ZMIZ1: variants seen among roughly 807,000 people sequenced by gnomAD.
The protein encoded by ZMIZ1 is zinc finger MIZ domain-containing protein 1.
Under a neutral mutation model 113.9 loss-of-function variants are expected in ZMIZ1, and 17 were observed. The ratio of observed to expected loss-of-function variants is 0.15; its 90% confidence interval spans 0.10 to 0.22. ZMIZ1 has a LOEUF of 0.22. ZMIZ1 is among the 10% of genes least tolerant of loss of function. ZMIZ1 has a pLI of 1.00. For synonymous variants in ZMIZ1, 607 were observed against 603.1 expected (o/e 1.01, Z -0.09); for missense variants, 1,059 against 1,477.8 (o/e 0.72, Z 4.65).
rs574307495 is a variant in ZMIZ1, at chr10:79,315,599, C to T, written c.*2850C>T. On this transcript the variant is annotated 3_prime_UTR_variant, in exon 25 of 25. Transcript: ENST00000334512. ...CATCTTCTTGGTTTGAAGCTTTATC[C>T]ATGTATCATGTTCCGTGTAGCCATT... 1 of 152,900 alleles carries T rather than the reference C, an allele frequency of 6.5e-6. No individual in the cohort carries two copies. Among genetic ancestry groups the T allele is most frequent in the African/African-American group, 2.4e-5 (1 of 41,570 alleles). The allele number at this position is 152,900 out of a possible 1,614,324, so 9.5% of individuals were successfully genotyped here. A position where few individuals can be genotyped will look rare whatever the true frequency, so the allele number is the denominator to read the frequency against.
intron 4 of ZMIZ1, among the ~76,000 whole-genome samples, chr10:79,185,955 C>G (rs1255362613): frequency 6.6e-6 from 1 of 152,018 alleles, no homozygotes. Flanking sequence ...TAAGGAGTAG[C>G]GAGGAGTCCC....
intron 7 of ZMIZ1, among the ~76,000 whole-genome samples, chr10:79,231,311 G>A (rs1440476276): frequency 2.0e-5 from 3 of 152,208 alleles, no homozygotes; most frequent in Admixed American, 6.5e-5. Context: ...GCAATGGCGC[G>A]ATCTCAGCTC....
intron 4 of ZMIZ1, among the ~76,000 whole-genome samples, chr10:79,186,523 C>T (rs1847358645): frequency 6.6e-6 from 1 of 152,186 alleles, no homozygotes; most frequent in Non-Finnish European, 1.5e-5. Flanking sequence ...CCTGTCAGAT[C>T]TTGCTATTAG....
intron 7 of ZMIZ1, among the ~76,000 whole-genome samples, chr10:79,217,629 G>T (rs1356081607): frequency 6.6e-6 from 1 of 152,196 alleles, no homozygotes; most frequent in Non-Finnish European, 1.5e-5. Context: ...TGAAAACGTT[G>T]TAAGGACATC....
chr10:79,145,341 G>GAATGCCCGCGCAAC (rs1554856897), intron 3 of ZMIZ1, among the ~76,000 whole-genome samples: 1 of 10,552 alleles, frequency 9.5e-5, no homozygotes, highest in Non-Finnish European at 2.4e-4. Context: ...CTGCATTCCG[G>GAATGCCCGCGCAAC]AGTGCCTGCG....
intron 1 of ZMIZ1, among the ~76,000 whole-genome samples, chr10:79,098,212 G>C (rs1843238726): frequency 6.6e-6 from 1 of 152,234 alleles, no homozygotes; most frequent in Non-Finnish European, 1.5e-5. Flanking sequence ...GGGGAGCTCT[G>C]TGGGCCCAGG....
chr10:79,155,404 G>C (rs1845869544), intron 3 of ZMIZ1, among the ~76,000 whole-genome samples: 2 of 152,196 alleles, frequency 1.3e-5, no homozygotes, highest in Non-Finnish European at 2.9e-5. Context: ...ATTTGTTTCT[G>C]AATCCTAGTT....
chr10:79,147,406 C>T (rs1249667537), intron 3 of ZMIZ1, among the ~76,000 whole-genome samples: 1 of 152,166 alleles, frequency 6.6e-6, no homozygotes, highest in Non-Finnish European at 1.5e-5. Flanking sequence ...ATGGGCACAA[C>T]CACCATGTGT....
chr10:79,310,323 C>T (rs988795261), intron 23 of ZMIZ1, among the ~76,000 whole-genome samples: 6 of 152,202 alleles, frequency 3.9e-5, no homozygotes, highest in African/African-American at 1.2e-4. Context: ...CAGCCAAATT[C>T]CACCCGCGCT....
chr10:79,199,952 C>A (rs1345003177), intron 4 of ZMIZ1, among the ~76,000 whole-genome samples: 2 of 152,192 alleles, frequency 1.3e-5, no homozygotes, highest in African/African-American at 4.8e-5. Flanking sequence ...GGCAGACAGG[C>A]AGACAGGCAG....
At chr10:79,117,913 CT>C (rs1844125512) in intron 1 of ZMIZ1, among the ~76,000 whole-genome samples, 1 of 152,212 alleles carries the variant, frequency 6.6e-6, no homozygotes, top group Non-Finnish European at 1.5e-5. Context: ...TCCTGCTACA[CT>C]TTTTCCACCC....
chr10:79,074,337 G>A (rs1842399927), intron 1 of ZMIZ1, among the ~76,000 whole-genome samples: 1 of 152,190 alleles, frequency 6.6e-6, no homozygotes, highest in South Asian at 2.1e-4. Context: ...GGTGCTGGGG[G>A]AATGAGGTGA....
In ZMIZ1 at chr10:79,271,370, C is replaced by T. The variant is rs937985405; in HGVS notation, c.281-5811C>T. On this transcript the variant is annotated intron_variant, in intron 7 of 24. Transcript: ENST00000334512. ...GCTCCCCTGGGCTTCATGGAGGTAA[C>T]GCGGTCCCATCCATATGGCTACCCT... 7.9e-5 allele frequency among the ~76,000 whole-genome samples: 12 copies of T among 152,188 alleles called. No homozygotes were observed. In the East Asian group the frequency reaches 1.3e-3, roughly 17 times the overall value.
At chr10:79,079,919 G>T (rs560969916) in intron 1 of ZMIZ1, among the ~76,000 whole-genome samples, 2 of 152,278 alleles carry the variant, frequency 1.3e-5, no homozygotes, top group South Asian at 2.1e-4. Context: ...CAGGTTCATG[G>T]TTCCTCTTCG....
chr10:79,223,150 A>C (rs1849050830), intron 7 of ZMIZ1, among the ~76,000 whole-genome samples: 2 of 152,232 alleles, frequency 1.3e-5, no homozygotes, highest in Non-Finnish European at 2.9e-5. Flanking sequence ...TGGGAGGACA[A>C]ATGGCCTTAT....
intron 3 of ZMIZ1, among the ~76,000 whole-genome samples, chr10:79,155,467 T>C (rs1845871061): frequency 6.6e-6 from 1 of 152,324 alleles, no homozygotes; most frequent in South Asian, 2.1e-4. Context: ...GGCCCTTCCC[T>C]CTCTCTGGTC....
intron 7 of ZMIZ1, among the ~76,000 whole-genome samples, chr10:79,243,059 A>T (rs1416797381): frequency 6.6e-6 from 1 of 150,456 alleles, no homozygotes; most frequent in Non-Finnish European, 1.5e-5. Context: ...CTCCCTGGAG[A>T]CGCCAAGGCA....
chr10:79,081,154 T>C (rs1384675724), intron 1 of ZMIZ1, among the ~76,000 whole-genome samples: 8 of 151,598 alleles, frequency 5.3e-5, no homozygotes, highest in Non-Finnish European at 1.2e-4. Flanking sequence ...ACCTCTCCCC[T>C]AGTTCTCTTC....
intron 1 of ZMIZ1, among the ~76,000 whole-genome samples, chr10:79,070,268 C>T (rs1355168318): frequency 1.3e-5 from 2 of 151,854 alleles, no homozygotes; most frequent in Non-Finnish European, 2.9e-5. Flanking sequence ...GTCGCCCCCT[C>T]GCTGGGGACA....
Sources: gnomAD v4.1 joint callset for allele counts (sites outside exome capture counted in the v4.1 genomes callset) on GRCh38, gnomAD v4.1.1 for gene constraint, MANE v1.5 for transcripts, NCBI Gene and HGNC (gene_info 2026-07-23, HGNC 2026-07-21) for gene names.